SLC25A13: variants seen among roughly 807,000 people sequenced by gnomAD.
SLC25A13 encodes the protein solute carrier family 25 member 13.
SLC25A13 carries 70 observed loss-of-function variants against 85.5 expected under a neutral mutation model. The observed-to-expected ratio is 0.82, with a 90% CI of 0.68 to 1.00. SLC25A13 has a LOEUF of 1.00. SLC25A13 is among the 50% of genes least tolerant of loss of function. The pLI is 0.00. For synonymous variants in SLC25A13, 259 were observed against 288.7 expected (o/e 0.90, Z 1.04); for missense variants, 765 against 819.8 (o/e 0.93, Z 0.82).
At chr7:96,214,699 G>C (rs1319884072) in intron 4 of SLC25A13, among the ~76,000 whole-genome samples, 1 of 151,830 alleles carries the variant, frequency 6.6e-6, no homozygotes, top group Non-Finnish European at 1.5e-5. Flanking sequence ...CTCCAGCCTG[G>C]GTGACAGGGC....
At chr7:96,176,946 T>A (rs116350733) in intron 11 of SLC25A13, among the ~76,000 whole-genome samples, 2,285 of 152,256 alleles carry the variant, frequency 0.015, 55 homozygotes, top group African/African-American at 0.052. Flanking sequence ...TCTTGGGTAG[T>A]AATTCTTTGA....
chr7:96,309,161 C>T (rs185676636), intron 1 of SLC25A13, among the ~76,000 whole-genome samples: 1 of 152,334 alleles, frequency 6.6e-6, no homozygotes, highest in East Asian at 1.9e-4. Flanking sequence ...CCCTCTTGTC[C>T]TTCAAGCCAT....
At chr7:96,271,014 T>C (rs1350382499) in intron 3 of SLC25A13, among the ~76,000 whole-genome samples, 1 of 152,194 alleles carries the variant, frequency 6.6e-6, no homozygotes, top group Non-Finnish European at 1.5e-5. Flanking sequence ...TGTGATGGAA[T>C]TTAGAGCCCA....
At chr7:96,236,728 T>G (rs1247154775) in intron 3 of SLC25A13, among the ~76,000 whole-genome samples, 1 of 152,160 alleles carries the variant, frequency 6.6e-6, no homozygotes, top group Non-Finnish European at 1.5e-5. Flanking sequence ...GAATTCCAAC[T>G]GCTGTGGGAA....
intron 5 of SLC25A13, among the ~76,000 whole-genome samples, chr7:96,205,391 C>T (rs923940922): frequency 6.6e-6 from 1 of 152,194 alleles, no homozygotes; most frequent in African/African-American, 2.4e-5. Flanking sequence ...TTTTAAAATA[C>T]ACATACCTAC....
intron 11 of SLC25A13, among the ~76,000 whole-genome samples, chr7:96,181,427 A>G (rs905593949): frequency 1.8e-4 from 28 of 152,388 alleles, no homozygotes; most frequent in African/African-American, 6.5e-4. Flanking sequence ...GTGGAGCACT[A>G]CAAGAGTTCT....
At chr7:96,159,386 A>G (rs1483605403) in intron 13 of SLC25A13, among the ~76,000 whole-genome samples, 1 of 152,224 alleles carries the variant, frequency 6.6e-6, no homozygotes, top group Non-Finnish European at 1.5e-5. Flanking sequence ...AATGAAGTCA[A>G]ATGGATGGGC....
chr7:96,123,601 G>A (rs1459301447), intron 15 of SLC25A13, among the ~76,000 whole-genome samples: 4 of 152,160 alleles, frequency 2.6e-5, no homozygotes, highest in Non-Finnish European at 5.9e-5. Context: ...TGTGGCGAAT[G>A]CTAGAATATG....
rs1131697 is a variant in SLC25A13, at chr7:96,208,885, C to T, written c.421G>A (p.Glu141Lys). 4.5e-5 allele frequency: 72 copies of T among 1,613,884 alleles called. No individual in the cohort carries two copies. The highest frequency in any genetic ancestry group is 5.5e-5 in the Non-Finnish European group (65 of 1,179,976). ...GCATATGTCAGGTGTCTTTTTCTTT[C>T]TTTTCCAAAATGTAGTTGCACAAAT... ...SEFVQLHFGK[E>K]RKRHLTYAEF... The change falls in exon 5 of 18, where the codon GAA (glutamate) becomes AAA (lysine). Residue 141 changes from glutamate (E) to lysine (K), a missense_variant. Glu to Lys is a moderately conservative substitution (Grantham distance 56, BLOSUM62 1). Transcript: ENST00000265631.
chr7:96,308,306 C>T (rs1458977994), intron 1 of SLC25A13, among the ~76,000 whole-genome samples: 1 of 152,236 alleles, frequency 6.6e-6, no homozygotes, highest in Non-Finnish European at 1.5e-5. Flanking sequence ...TTCCCAGTTA[C>T]TCTTCATATT....
intron 1 of SLC25A13, chr7:96,309,654 GTGTCCAGAGAAGGTCCT>G (rs1417139558): frequency 3.0e-4 from 45 of 152,310 alleles, no homozygotes; most frequent in African/African-American, 1.1e-3. Context: ...AGGCATATCT[GTGTCCAGAGAAGGTCCT>G]TGTCCTCAAG....
At chr7:96,220,259 A>G (rs1796065245) in intron 4 of SLC25A13, among the ~76,000 whole-genome samples, 2 of 152,332 alleles carry the variant, frequency 1.3e-5, no homozygotes, top group East Asian at 1.9e-4. Context: ...CCTTAGACGG[A>G]TATTATCGAA....
At chr7:96,284,469 AC>A (rs1798809839) in intron 2 of SLC25A13, among the ~76,000 whole-genome samples, 1 of 152,220 alleles carries the variant, frequency 6.6e-6, no homozygotes, top group African/African-American at 2.4e-5. Context: ...AGTGTAATTC[AC>A]TATGTTACTC....
intron 11 of SLC25A13, among the ~76,000 whole-genome samples, chr7:96,179,137 C>G (rs772375468): frequency 3.3e-5 from 5 of 152,138 alleles, no homozygotes; most frequent in Admixed American, 6.5e-5. Flanking sequence ...TCCTCAACTC[C>G]TCTATTCTGG....
intron 4 of SLC25A13, among the ~76,000 whole-genome samples, chr7:96,231,831 G>A (rs1280745455): frequency 6.6e-6 from 1 of 152,002 alleles, no homozygotes; most frequent in Non-Finnish European, 1.5e-5. Context: ...CAACATCACT[G>A]GTAATTAGAG....
chr7:96,296,361 C>A (rs982930075), intron 2 of SLC25A13, among the ~76,000 whole-genome samples: 2 of 152,112 alleles, frequency 1.3e-5, no homozygotes, highest in East Asian at 3.8e-4. Flanking sequence ...TATTCACATA[C>A]CTTACACCAC....
intron 2 of SLC25A13, among the ~76,000 whole-genome samples, chr7:96,289,795 G>A (rs190228988): frequency 6.6e-6 from 1 of 152,214 alleles, no homozygotes; most frequent in African/African-American, 2.4e-5. Context: ...TGGTGTACCT[G>A]AAAGTGATGG....
chr7:96,198,862 A>C lies in SLC25A13; in HGVS notation c.469-5679T>G, dbSNP rs1344097036. ...TACTCTACCACAAAGGAAAATACTT[A>C]AGGGGAAAGAGATGAGGTGGTTGAC... is the stretch of plus-strand genomic sequence containing the variant. On this transcript the variant is annotated intron_variant, in intron 5 of 17. Coordinates refer to ENST00000265631, the MANE Select transcript of SLC25A13 (RefSeq NM_014251.3). 2.6e-5 allele frequency among the ~76,000 whole-genome samples: 4 copies of C among 152,214 alleles called. No individual in the cohort carries two copies. In the East Asian group the frequency reaches 7.7e-4, roughly 29 times the overall value.
Position 96,184,346 on chromosome 7 carries a change from T to C in SLC25A13, c.1108A>G (p.Met370Val), listed in dbSNP as rs142386709. 1.9e-6 allele frequency: 3 copies of C among 1,614,044 alleles called. No homozygotes were observed. The highest frequency in any genetic ancestry group is 1.3e-5 in the African/African-American group (1 of 74,926). Residue 370 changes from methionine to valine, a missense_variant, in exon 11 of 18, where the codon ATG (methionine) becomes GTG (valine). Physicochemically the swap from Met to Val is conservative, Grantham distance 21. Transcript: ENST00000265631. ...RSTGSFVGELMYKNSFDCFKK... is the reference protein window; with the variant it reads ...RSTGSFVGELVYKNSFDCFKK... The stretch of plus-strand genomic sequence containing the variant: ...AAACAGTCAAAGCTGTTTTTATACA[T>C]GAGTTCTCCCACAAAAGAGCCAGTT...
Sources: gnomAD v4.1 joint callset for allele counts (sites outside exome capture counted in the v4.1 genomes callset) on GRCh38, gnomAD v4.1.1 for gene constraint, MANE v1.5 for transcripts, NCBI Gene and HGNC (gene_info 2026-07-23, HGNC 2026-07-21) for gene names.